The following SKP2 variants were observed in gnomAD, a reference collection of about 807,000 sequenced individuals.
The protein encoded by SKP2 is S-phase kinase associated protein 2.
Under a neutral mutation model 51.8 loss-of-function variants are expected in SKP2, and 16 were observed. The observed-to-expected ratio is 0.31, with a 90% CI of 0.21 to 0.47. The LOEUF (loss-of-function observed/expected upper bound fraction) is 0.47, where lower values mean the gene tolerates loss of function less well. SKP2 is among the 20% of genes least tolerant of loss of function. The pLI is 1.00. For synonymous variants in SKP2, 176 were observed against 198.6 expected, an observed-to-expected ratio of 0.89 and a Z score of 0.96; for missense variants, 377 against 505.3, an observed-to-expected ratio of 0.75 and a Z score of 2.43.
intron 7 of SKP2, among the ~76,000 whole-genome samples, chr5:36,173,355 C>T (rs543604249): frequency 6.6e-6 from 1 of 152,218 alleles, no homozygotes; most frequent in East Asian, 1.9e-4. Flanking sequence ...AAGTACTATT[C>T]TCAAGTTTTG....
chr5:36,171,049 C>G (rs566923156), intron 6 of SKP2, among the ~76,000 whole-genome samples: 1 of 152,064 alleles, frequency 6.6e-6, no homozygotes, highest in Non-Finnish European at 1.5e-5. Context: ...TCTGGATATG[C>G]GTGTTATCAG....
At chr5:36,177,492 T>C (rs1418704231) in intron 9 of SKP2, 200 bp downstream of exon 9, 1 of 660,788 alleles carries the variant, frequency 1.5e-6, no homozygotes, top group Non-Finnish European at 2.8e-6. Context: ...CACTAAACAT[T>C]TATTGTTTAG....
chr5:36,152,257 G>A lies in SKP2; in HGVS notation c.-6G>A. The A allele has an allele frequency of 1.2e-6, 2 of 1,614,020 alleles. No individual in the cohort carries two copies. The highest frequency in any genetic ancestry group is 1.7e-6 in the Non-Finnish European group (2 of 1,179,836). On this transcript the variant is annotated 5_prime_UTR_variant, in exon 1 of 10. Coordinates refer to ENST00000274255, the MANE Select transcript of SKP2 (RefSeq NM_005983.4). The stretch of plus-strand genomic sequence containing the variant: ...CGTATTTTAAACTCCCGGGCCTGCG[G>A]ACGCTATGCACAGGTAAACGGATTG...
chr5:36,179,086 G>A (rs1251758065), intron 9 of SKP2, among the ~76,000 whole-genome samples: 1 of 151,960 alleles, frequency 6.6e-6, no homozygotes, highest in Non-Finnish European at 1.5e-5. Flanking sequence ...TTACAAGTCA[G>A]ACCACTAGAA....
rs572621184 is a variant in SKP2, at chr5:36,152,955, C to T, written c.193C>T (p.Pro65Ser). Residue 65 changes from proline (P) to serine (S), a missense_variant, in exon 2 of 10, where the codon CCC (proline) becomes TCC (serine). Pro to Ser is a moderately conservative substitution (Grantham distance 74). Around this residue, in one of 2 missense-constraint regions of SKP2, gnomAD observed 115 missense variants for 115.5 expected, o/e 1.00. Transcript: ENST00000274255. ...CTCAAACCTGGGCCACCCGGAGAGC[C>T]CCCCACGGAAACGGCTGAAGAGCAA... ...LLSNLGHPES[P>S]PRKRLKSKGS... 7 of 1,613,896 alleles carry T rather than the reference C, an allele frequency of 4.3e-6. No individual in the cohort carries two copies. In the Admixed American group the frequency reaches 1.0e-4, roughly 23 times the overall value.
chr5:36,192,542 A>C (rs936416115), intron 6 of SKP2: 4 of 121,924 alleles, frequency 3.3e-5, no homozygotes, highest in Admixed American at 3.1e-4. Context: ...TACAATAAAA[A>C]TGTGTTACCT....
At chr5:36,186,234 T>C (rs1004173274), downstream of SKP2, among the ~76,000 whole-genome samples, 1 of 152,238 alleles carries the variant, frequency 6.6e-6, no homozygotes, top group Admixed American at 6.5e-5. Flanking sequence ...CCTAATTGAA[T>C]ACGCTTTATT....
At chr5:36,190,743 A>T (rs1412477409) in intron 6 of SKP2, among the ~76,000 whole-genome samples, 1 of 151,458 alleles carries the variant, frequency 6.6e-6, no homozygotes, top group Non-Finnish European at 1.5e-5. Context: ...TTCAACAGTC[A>T]TTGATTCCTG....
At chr5:36,154,373 A>G (rs1367806048) in intron 2 of SKP2, among the ~76,000 whole-genome samples, 1 of 152,128 alleles carries the variant, frequency 6.6e-6, no homozygotes. Flanking sequence ...GGGAAGCCAT[A>G]TTCTAAGAGT....
chr5:36,169,898 T>A (rs1745413948), intron 5 of SKP2, among the ~76,000 whole-genome samples: 1 of 152,208 alleles, frequency 6.6e-6, no homozygotes, highest in Non-Finnish European at 1.5e-5. Context: ...TAAGTTTTAC[T>A]AACACAGGGC....
chr5:36,160,010 A>G (rs1745074938), intron 2 of SKP2, among the ~76,000 whole-genome samples: 1 of 152,050 alleles, frequency 6.6e-6, no homozygotes, highest in Non-Finnish European at 1.5e-5. Flanking sequence ...AGAAAGTTTT[A>G]CTCCCTGCTG....
In SKP2 at chr5:36,152,281, T is replaced by C. The variant is rs768159180; in HGVS notation, c.8+11T>C. On this transcript the variant is annotated intron_variant, in intron 1 of 9. Transcript: ENST00000274255. ...GGACGCTATGCACAGGTAAACGGAT[T>C]GCAAAAAGGGGAAGAGCATGAAATG... is the stretch of plus-strand genomic sequence containing the variant. The C allele has an allele frequency of 6.2e-7, 1 of 1,613,112 alleles. No individual in the cohort carries two copies. Among genetic ancestry groups the C allele is most frequent in the Non-Finnish European group, 8.5e-7 (1 of 1,179,056 alleles).
chr5:36,188,171 T>A (rs1443852244), downstream of SKP2, among the ~76,000 whole-genome samples: 1 of 152,240 alleles, frequency 6.6e-6, no homozygotes, highest in Non-Finnish European at 1.5e-5. Context: ...CTGATGGGTC[T>A]TGACTCTATC....
chr5:36,156,790 A>C (rs1010229680), intron 2 of SKP2, among the ~76,000 whole-genome samples: 3 of 152,142 alleles, frequency 2.0e-5, no homozygotes, highest in Non-Finnish European at 4.4e-5. Context: ...AGATACTAAA[A>C]TTTACTGTAT....
At chr5:36,153,098 G>T in intron 2 of SKP2, 56 bp downstream of exon 2, 4 of 1,541,164 alleles carry the variant, frequency 2.6e-6, no homozygotes, top group South Asian at 1.2e-5. Context: ...TAGCTATGTT[G>T]TTGGGAAACC....
At chr5:36,187,186 G>A (rs992278704), downstream of SKP2, among the ~76,000 whole-genome samples, 12 of 151,816 alleles carry the variant, frequency 7.9e-5, no homozygotes, top group African/African-American at 2.9e-4. Context: ...AAAAAAACCA[G>A]CTCCTGGATT....
At position 36,183,189 on chromosome 5, in the gene SKP2, G is replaced by A; in HGVS notation, c.*1158G>A. The A allele has an allele frequency of 2.1e-6, 2 of 972,034 alleles. No homozygotes were observed. The highest frequency in any genetic ancestry group is 2.4e-6 in the Non-Finnish European group (2 of 817,806). The allele number at this position is 972,034 out of a possible 1,614,324, so 60.2% of individuals were successfully genotyped here. A position where few individuals can be genotyped will look rare whatever the true frequency, so the allele number is the denominator to read the frequency against. ...TACATAAGAGTTAAAATCCAGATGT[G>A]GGACCTTTTGATACCATCAGTGATA... On this transcript the variant is annotated 3_prime_UTR_variant, in exon 10 of 10. Transcript: ENST00000274255.
intron 2 of SKP2, 64 bp downstream of exon 2, chr5:36,153,106 A>G: frequency 6.6e-7 from 1 of 1,506,044 alleles, no homozygotes; most frequent in African/African-American, 1.4e-5. Flanking sequence ...TTGTTGGGAA[A>G]CCTTTGTTCA....
At chr5:36,157,636 T>C (rs1468572288) in intron 2 of SKP2, among the ~76,000 whole-genome samples, 1 of 152,126 alleles carries the variant, frequency 6.6e-6, no homozygotes, top group Non-Finnish European at 1.5e-5. Flanking sequence ...AAAGCAATTC[T>C]GAGGTGAGCA....
Sources: allele counts gnomAD v4.1 joint callset (sites outside exome capture counted in the v4.1 genomes callset), GRCh38; gene constraint gnomAD v4.1.1; regional missense constraint gnomAD v4.1.1; transcripts MANE v1.5; gene names NCBI Gene and HGNC (gene_info 2026-07-23, HGNC 2026-07-21).